Variants in SLIT2 observed in about 807,000 individuals in gnomAD.
SLIT2 encodes the protein slit homolog 2 protein.
SLIT2 carries 41 observed loss-of-function variants against 185.7 expected under a neutral mutation model. That is an observed-to-expected ratio of 0.22 (90% confidence interval 0.17 to 0.29). The LOEUF (loss-of-function observed/expected upper bound fraction) is 0.29, where lower values mean the gene tolerates loss of function less well. SLIT2 is among the 10% of genes least tolerant of loss of function. The pLI, the probability that SLIT2 is intolerant of heterozygous loss-of-function variation, is 1.00. For missense variants in SLIT2, 1,571 were observed against 1,909.0 expected, an observed-to-expected ratio of 0.82 and a Z score of 3.30; for synonymous variants, 693 against 680.2, an observed-to-expected ratio of 1.02 and a Z score of -0.29.
At chr4:20,430,444 A>G (rs999387817) in intron 4 of SLIT2, among the ~76,000 whole-genome samples, 4 of 152,168 alleles carry the variant, frequency 2.6e-5, no homozygotes, top group African/African-American at 9.7e-5. Flanking sequence ...TGCACTCTCT[A>G]CTGCAGCGTC....
chr4:20,345,818 G>T (rs1173475565), intron 4 of SLIT2, among the ~76,000 whole-genome samples: 1 of 151,754 alleles, frequency 6.6e-6, no homozygotes, highest in Non-Finnish European at 1.5e-5. Flanking sequence ...ACAGGCGTGA[G>T]CACCCACGTC....
At chr4:20,579,706 CTG>C (rs984059539) in intron 29 of SLIT2, among the ~76,000 whole-genome samples, 2 of 151,852 alleles carry the variant, frequency 1.3e-5, no homozygotes, top group Non-Finnish European at 2.9e-5. Context: ...AAACCTCACT[CTG>C]AGAGAGTACA....
intron 4 of SLIT2, among the ~76,000 whole-genome samples, chr4:20,414,442 T>TA (rs1245932787): frequency 6.6e-6 from 1 of 152,202 alleles, no homozygotes; most frequent in Non-Finnish European, 1.5e-5. Context: ...CCTATACAGT[T>TA]ACCTCTCTAT....
chr4:20,527,938 G>T (rs988891471), intron 15 of SLIT2, among the ~76,000 whole-genome samples: 8 of 151,480 alleles, frequency 5.3e-5, no homozygotes, highest in African/African-American at 1.9e-4. Context: ...TTCTAGTCTT[G>T]GTCTTTGGCA....
At chr4:20,442,365 C>G (rs1269712262) in intron 4 of SLIT2, among the ~76,000 whole-genome samples, 1 of 151,698 alleles carries the variant, frequency 6.6e-6, no homozygotes, top group Admixed American at 6.6e-5. Flanking sequence ...TAAAAATACA[C>G]ACAAAAAAAT....
At chr4:20,428,364 C>T (rs748622037) in intron 4 of SLIT2, among the ~76,000 whole-genome samples, 4 of 152,150 alleles carry the variant, frequency 2.6e-5, no homozygotes, top group Non-Finnish European at 5.9e-5. Flanking sequence ...CTGTCATACC[C>T]GCTCTTGTCT....
At chr4:20,344,254 A>G (rs556111206) in intron 4 of SLIT2, among the ~76,000 whole-genome samples, 11 of 152,280 alleles carry the variant, frequency 7.2e-5, no homozygotes, top group Middle Eastern at 3.4e-3. Context: ...TGAGACAGAT[A>G]CCCCTCTGAT....
intron 4 of SLIT2, among the ~76,000 whole-genome samples, chr4:20,442,428 G>A (rs1357250822): frequency 1.3e-5 from 2 of 151,886 alleles, no homozygotes; most frequent in African/African-American, 4.8e-5. Context: ...GGAAGCTGAG[G>A]CGGGAGAATG....
At chr4:20,355,603 G>T (rs1254363026) in intron 4 of SLIT2, among the ~76,000 whole-genome samples, 1 of 152,104 alleles carries the variant, frequency 6.6e-6, no homozygotes, top group Admixed American at 6.6e-5. Context: ...GGTGGTCATT[G>T]TATGAAGCAC....
At chr4:20,323,736 G>A (rs951193395) in intron 4 of SLIT2, among the ~76,000 whole-genome samples, 2 of 152,096 alleles carry the variant, frequency 1.3e-5, no homozygotes, top group African/African-American at 4.8e-5. Flanking sequence ...GTCTAAGATT[G>A]GCTGGCATAG....
chr4:20,478,405 A>G (rs976708252), intron 5 of SLIT2, among the ~76,000 whole-genome samples: 4 of 152,226 alleles, frequency 2.6e-5, no homozygotes, highest in Non-Finnish European at 5.9e-5. Flanking sequence ...AACCATGAGC[A>G]ATATTAAAGA....
chr4:20,617,852 G>A (rs1278119363), intron 36 of SLIT2, among the ~76,000 whole-genome samples: 1 of 152,138 alleles, frequency 6.6e-6, no homozygotes, highest in Non-Finnish European at 1.5e-5. Flanking sequence ...TATTTTGAAG[G>A]CACCAGCTGT....
chr4:20,293,927 AC>A (rs1271441612), intron 4 of SLIT2, among the ~76,000 whole-genome samples: 2 of 145,612 alleles, frequency 1.4e-5, no homozygotes, highest in Non-Finnish European at 3.0e-5. Context: ...ATCCTTTTTT[AC>A]TTTTTTTTTT....
At chr4:20,288,119 A>G (rs545805801) in intron 4 of SLIT2, among the ~76,000 whole-genome samples, 1 of 152,200 alleles carries the variant, frequency 6.6e-6, no homozygotes, top group East Asian at 1.9e-4. Flanking sequence ...CATGGCTGTT[A>G]TTGTATGCCA....
intron 4 of SLIT2, among the ~76,000 whole-genome samples, chr4:20,327,853 T>C (rs1719728278): frequency 6.6e-6 from 1 of 152,094 alleles, no homozygotes; most frequent in African/African-American, 2.4e-5. Flanking sequence ...GTGTTGCCTA[T>C]TTCATACATG....
intron 4 of SLIT2, among the ~76,000 whole-genome samples, chr4:20,443,500 T>C (rs1010420144): frequency 1.3e-5 from 2 of 149,606 alleles, no homozygotes; most frequent in African/African-American, 4.9e-5. Flanking sequence ...CTTGGGTTTA[T>C]TAGTCATTCA....
intron 9 of SLIT2, among the ~76,000 whole-genome samples, chr4:20,500,795 G>A (rs1178032865): frequency 2.0e-5 from 3 of 152,096 alleles, no homozygotes; most frequent in Admixed American, 6.5e-5. Context: ...CTATCATGCC[G>A]ATGCAGGCAA....
intron 4 of SLIT2, among the ~76,000 whole-genome samples, chr4:20,451,326 G>A (rs1712448309): frequency 6.6e-6 from 1 of 152,172 alleles, no homozygotes; most frequent in Admixed American, 6.5e-5. Context: ...CTTCTTTGGA[G>A]TTAATCGACT....
Position 20,254,603 on chromosome 4 carries a change from C to G in SLIT2, c.179+609C>G, listed in dbSNP as rs995121065. On this transcript the variant is annotated intron_variant, in intron 1 of 36. Transcript: ENST00000504154. This position sits in a 1 kb window ranked among gnomAD's most constrained non-coding sequence, Gnocchi z 5.1. ...CTCGCATAGTAGCCTCGCGCAGCCC[C>G]CCGCCCCCCACTTCTCCGGGGAGGG... Among the ~76,000 whole-genome samples the G allele has an allele frequency of 2.0e-5, 3 of 152,014 alleles. No homozygotes were observed. Among genetic ancestry groups the G allele is most frequent in the African/African-American group, 7.2e-5 (3 of 41,402 alleles).
Sources: gnomAD v4.1 joint callset for allele counts (sites outside exome capture counted in the v4.1 genomes callset) on GRCh38, gnomAD v4.1.1 for gene constraint, Gnocchi (gnomAD v3.1) non-coding constraint, MANE v1.5 for transcripts, NCBI Gene and HGNC (gene_info 2026-07-23, HGNC 2026-07-21) for gene names.